Variants in ASAP2 observed in about 807,000 individuals in gnomAD.
The protein encoded by ASAP2 is ArfGAP with SH3 domain, ankyrin repeat and PH domain 2.
A neutral mutation model predicts 131.4 loss-of-function variants in ASAP2; 45 were observed. The ratio of observed to expected loss-of-function variants is 0.34; its 90% confidence interval spans 0.27 to 0.44. ASAP2 has a LOEUF of 0.44. Among genes scored for constraint, ASAP2 ranks in the 20% least tolerant of loss-of-function variants. The pLI, the probability that ASAP2 is intolerant of heterozygous loss-of-function variation, is 1.00. For synonymous variants in ASAP2, 510 were observed against 503.0 expected, an observed-to-expected ratio of 1.01 and a Z score of -0.19; for missense variants, 1,011 against 1,297.0, an observed-to-expected ratio of 0.78 and a Z score of 3.39.
At chr2:9,241,971 A>G (rs1194847497) in intron 1 of ASAP2, among the ~76,000 whole-genome samples, 1 of 152,114 alleles carries the variant, frequency 6.6e-6, no homozygotes, top group Non-Finnish European at 1.5e-5. Flanking sequence ...ACACATGTGA[A>G]TTTCACACCT....
At chr2:9,264,328 G>C (rs375998977) in intron 1 of ASAP2, among the ~76,000 whole-genome samples, 1 of 152,230 alleles carries the variant, frequency 6.6e-6, no homozygotes, top group Non-Finnish European at 1.5e-5. Context: ...CTGCAGGCAT[G>C]TCTTCCAGAG....
chr2:9,310,691 A>G lies in ASAP2; in HGVS notation c.346-7833A>G, dbSNP rs372037244. Among the ~76,000 whole-genome samples, 355 of 152,300 alleles carry G rather than the reference A, an allele frequency of 2.3e-3. 3 individuals carry two copies. The highest frequency in any genetic ancestry group is 0.01 in the Middle Eastern group (3 of 294). On this transcript the variant is annotated intron_variant, in intron 3 of 27. Transcript: ENST00000281419. ...AGCTGTTGATCAGTGGCCAGAGAAC[A>G]GAGAGGGTGACCTGTGAACTGAAGG...
Position 9,397,611 on chromosome 2 carries a change from C to T in ASAP2, c.2685-2412C>T, listed in dbSNP as rs374860170. 7.9e-5 allele frequency among the ~76,000 whole-genome samples: 12 copies of T among 151,154 alleles called. No individual in the cohort carries two copies. In the East Asian group the frequency reaches 2.3e-3, roughly 29 times the overall value. ...ACACCTGTTCTCTTAGGGTAGGAGT[C>T]AGCAAACTATGGCTCACAGGCCACA... is the stretch of plus-strand genomic sequence containing the variant. On this transcript the variant is annotated intron_variant, in intron 24 of 27. Transcript: ENST00000281419.
intron 1 of ASAP2, among the ~76,000 whole-genome samples, chr2:9,237,344 A>G (rs1663624319): frequency 6.6e-6 from 1 of 151,052 alleles, no homozygotes; most frequent in Non-Finnish European, 1.5e-5. Context: ...CATAATTGAT[A>G]CCTTTGAAAA....
intron 1 of ASAP2, among the ~76,000 whole-genome samples, chr2:9,261,481 C>T (rs1265689744): frequency 2.6e-5 from 4 of 152,362 alleles, no homozygotes; most frequent in South Asian, 4.1e-4. Flanking sequence ...AGTAAAAGTG[C>T]TCTGTGGAGT....
chr2:9,357,413 A>G (rs1672791193), intron 14 of ASAP2, among the ~76,000 whole-genome samples: 1 of 152,188 alleles, frequency 6.6e-6, no homozygotes, highest in African/African-American at 2.4e-5. Flanking sequence ...CAGGTGGCAG[A>G]GGTTGCAGTG....
At chr2:9,338,866 G>A (rs1264637395) in intron 9 of ASAP2, among the ~76,000 whole-genome samples, 7 of 152,128 alleles carry the variant, frequency 4.6e-5, no homozygotes, top group Non-Finnish European at 8.8e-5. Context: ...TACCTGGGAT[G>A]GAGCTTAGAA....
At chr2:9,224,605 A>G (rs908443076) in intron 1 of ASAP2, among the ~76,000 whole-genome samples, 1 of 152,224 alleles carries the variant, frequency 6.6e-6, no homozygotes, top group African/African-American at 2.4e-5. Flanking sequence ...TCTCCACTCT[A>G]TAAACCATCC....
intron 1 of ASAP2, among the ~76,000 whole-genome samples, chr2:9,265,729 C>G (rs537271475): frequency 1.7e-4 from 25 of 151,462 alleles, no homozygotes; most frequent in African/African-American, 5.8e-4. Flanking sequence ...GTGTGTGTGT[C>G]TGTGCGTGTA....
chr2:9,269,093 A>C (rs905367396), intron 1 of ASAP2, among the ~76,000 whole-genome samples: 4 of 152,108 alleles, frequency 2.6e-5, no homozygotes, highest in Non-Finnish European at 5.9e-5. Flanking sequence ...TAAATATTTT[A>C]GGTTTGGCGG....
intron 1 of ASAP2, among the ~76,000 whole-genome samples, chr2:9,214,776 C>CT (rs756422662): frequency 6.3e-5 from 7 of 111,804 alleles, no homozygotes; most frequent in African/African-American, 2.7e-4. Context: ...GCCTGGACGT[C>CT]TAAAAAAAAA....
chr2:9,234,376 C>A (rs1426591334), intron 1 of ASAP2, among the ~76,000 whole-genome samples: 1 of 152,134 alleles, frequency 6.6e-6, no homozygotes, highest in Non-Finnish European at 1.5e-5. Context: ...TTAGCCAGAG[C>A]CTGTCGCATG....
intron 18 of ASAP2, 35 bp from the exon 19 acceptor site, chr2:9,378,909 C>T (rs371214715): frequency 1.5e-6 from 2 of 1,372,374 alleles, no homozygotes; most frequent in African/African-American, 3.0e-5. Flanking sequence ...GCCTGTGACA[C>T]ACTATGCTCT....
At position 9,354,353 on chromosome 2, in the gene ASAP2, G is replaced by A. The variant is rs112355974; in HGVS notation, c.1112-1694G>A. On this transcript the variant is annotated intron_variant, in intron 12 of 27. Transcript: ENST00000281419. ...GTCTCCTCCTGCTCTTCTCCCTCACGGCTGAAGCTCTGGAAGCCGTCCGCT... is the reference window on the plus strand; with the variant it reads ...GTCTCCTCCTGCTCTTCTCCCTCACAGCTGAAGCTCTGGAAGCCGTCCGCT... 6.7e-3 allele frequency among the ~76,000 whole-genome samples: 1,015 copies of A among 152,336 alleles called. 11 individuals carry two copies. The highest frequency in any genetic ancestry group is 0.023 in the African/African-American group (960 of 41,578).
At chr2:9,211,403 G>A (rs191750385) in intron 1 of ASAP2, among the ~76,000 whole-genome samples, 79 of 149,304 alleles carry the variant, frequency 5.3e-4, no homozygotes, top group African/African-American at 1.4e-3. Context: ...TTTTTTTTTC[G>A]TTTCTTCGAG....
At chr2:9,364,083 A>AT (rs1328005958) in intron 15 of ASAP2, among the ~76,000 whole-genome samples, 3 of 152,186 alleles carry the variant, frequency 2.0e-5, no homozygotes, top group Non-Finnish European at 2.9e-5. Flanking sequence ...TTCAGCTTTG[A>AT]TTTTTCAGGT....
chr2:9,391,347 A>T (rs1217468804), intron 23 of ASAP2, 151 bp downstream of exon 23: 2 of 1,139,622 alleles, frequency 1.8e-6, no homozygotes, highest in African/African-American at 3.1e-5. Flanking sequence ...CAGGGCTCTC[A>T]GCTCCCCCAG....
rs559645994 is a variant in ASAP2, at chr2:9,342,348, G to A, written c.850-2184G>A. 1.2e-4 allele frequency among the ~76,000 whole-genome samples: 18 copies of A among 152,338 alleles called. No individual in the cohort carries two copies. In the East Asian group the frequency reaches 3.1e-3, roughly 26 times the overall value. On this transcript the variant is annotated intron_variant, in intron 9 of 27. Transcript: ENST00000281419. ...CCAATGAAATAGAGCTGAGAGTCCA[G>A]AAATAAATCCTTACATTTAGAGATG... is the stretch of plus-strand genomic sequence containing the variant.
rs949785825 is a variant in ASAP2 at position 9,354,916 on chromosome 2, C to G, written c.1112-1131C>G. On this transcript the variant is annotated intron_variant, in intron 12 of 27. Transcript: ENST00000281419. Reference sequence around the variant, plus strand: ...TGTTTCCCTAAGAAGAGAATTGGTACTTGTCATCATTCTGCCATCTGCAAA... The same window carrying G: ...TGTTTCCCTAAGAAGAGAATTGGTAGTTGTCATCATTCTGCCATCTGCAAA... Among the ~76,000 whole-genome samples, 4 of 152,218 alleles carry G rather than the reference C, an allele frequency of 2.6e-5. 1 individual carries two copies. Among genetic ancestry groups the G allele is most frequent in the South Asian group, 4.1e-4 (2 of 4,830 alleles).
Sources: allele counts gnomAD v4.1 joint callset (sites outside exome capture counted in the v4.1 genomes callset), GRCh38; gene constraint gnomAD v4.1.1; transcripts MANE v1.5; gene names NCBI Gene and HGNC (gene_info 2026-07-23, HGNC 2026-07-21).